Variants in QRICH1 observed in about 807,000 individuals in gnomAD.
The protein encoded by QRICH1 is transcriptional regulator QRICH1.
QRICH1 carries 16 observed loss-of-function variants against 87.1 expected under a neutral mutation model. That is an observed-to-expected ratio of 0.18 (90% CI 0.12 to 0.28). QRICH1 has a LOEUF of 0.28. Among genes scored for constraint, QRICH1 ranks in the 10% least tolerant of loss-of-function variants. QRICH1 has a pLI of 1.00. For synonymous variants in QRICH1, 367 were observed against 368.4 expected (o/e 1.00, Z 0.05); for missense variants, 647 against 951.7 (o/e 0.68, Z 4.21).
At chr3:49,039,780 C>T (rs1307051763) in intron 6 of QRICH1, among the ~76,000 whole-genome samples, 1 of 151,956 alleles carries the variant, frequency 6.6e-6, no homozygotes, top group African/African-American at 2.4e-5. Flanking sequence ...CAGCAACAGG[C>T]CAGGCTCGGT....
intron 2 of QRICH1, among the ~76,000 whole-genome samples, chr3:49,076,097 G>T (rs992407087): frequency 6.6e-6 from 1 of 152,118 alleles, no homozygotes; most frequent in African/African-American, 2.4e-5. Context: ...TAAAAAATTA[G>T]CCGAGTGTGT....
intron 1 of QRICH1, chr3:49,093,205 G>A (rs143745219): frequency 6.6e-6 from 1 of 152,178 alleles, no homozygotes; most frequent in African/African-American, 2.4e-5. Flanking sequence ...AACCAAGAGG[G>A]CTTGGTTTCC....
chr3:49,034,315 A>G (rs1463354834), intron 6 of QRICH1, among the ~76,000 whole-genome samples: 1 of 151,524 alleles, frequency 6.6e-6, no homozygotes, highest in African/African-American at 2.4e-5. Flanking sequence ...GATGGTGCAC[A>G]TCTGTGATCC....
chr3:49,093,885 C>T, intron 1 of QRICH1, 27 bp downstream of exon 1: 1 of 386,818 alleles, frequency 2.6e-6, no homozygotes, highest in Non-Finnish European at 4.6e-6. Context: ...AGCTTCGCCG[C>T]ATCCCCACCC....
intron 2 of QRICH1, among the ~76,000 whole-genome samples, chr3:49,067,981 A>C (rs2106945177): frequency 6.6e-6 from 1 of 152,230 alleles, no homozygotes; most frequent in African/African-American, 2.4e-5. Context: ...ACAAACAAAA[A>C]AAACAACCCA....
chr3:49,073,430 C>A (rs1160748718), intron 2 of QRICH1, among the ~76,000 whole-genome samples: 1 of 151,452 alleles, frequency 6.6e-6, no homozygotes, highest in Admixed American at 6.6e-5. Context: ...ATCCCACCTA[C>A]TCAGGAGGTT....
At position 49,057,771 on chromosome 3, in the gene QRICH1, T is replaced by C. The variant is rs761287050; in HGVS notation, c.429A>G (p.Ala143=). 6 of 1,614,072 alleles carry C rather than the reference T, an allele frequency of 3.7e-6. No individual in the cohort carries two copies. In the East Asian group the frequency reaches 8.9e-5, roughly 24 times the overall value. Residue 143 remains alanine (A), a synonymous_variant, in exon 3 of 10, where the codon GCA becomes GCG. Coordinates refer to ENST00000395443, the MANE Select transcript of QRICH1 (RefSeq NM_198880.3). The surrounding 1 kb of genome is among the most constrained non-coding windows in gnomAD (Gnocchi z 5.4). ...GAATGGAGGGGGCTGCTGACTGTGGTGCCTGGCCTTGGATCTGCACCTGGA... is the reference window on the plus strand; with the variant it reads ...GAATGGAGGGGGCTGCTGACTGTGGCGCCTGGCCTTGGATCTGCACCTGGA... ...IQVQVQIQGQ[A]PQSAAPSIQT...
chr3:49,039,382 A>C (rs771064324), intron 6 of QRICH1, among the ~76,000 whole-genome samples: 2 of 151,860 alleles, frequency 1.3e-5, no homozygotes, highest in Non-Finnish European at 1.5e-5. Flanking sequence ...TAAATAAATA[A>C]GTAAGTAAGT....
At chr3:49,088,433 C>A (rs2042211269) in intron 1 of QRICH1, among the ~76,000 whole-genome samples, 2 of 151,836 alleles carry the variant, frequency 1.3e-5, no homozygotes, top group South Asian at 4.2e-4. Context: ...GTAGCTTGAA[C>A]TACAGGCGCA....
chr3:49,088,531 C>A (rs1395560372), intron 1 of QRICH1, among the ~76,000 whole-genome samples: 2 of 149,342 alleles, frequency 1.3e-5, no homozygotes, highest in African/African-American at 4.9e-5. Context: ...CTCCTGACCT[C>A]AGGTGAGGAG....
At chr3:49,058,077 A>G (rs577306229) in intron 2 of QRICH1, 187 bp from the exon 3 acceptor site, 2 of 998,564 alleles carry the variant, frequency 2.0e-6, no homozygotes, top group South Asian at 3.3e-5. Flanking sequence ...AGCACATTAC[A>G]ATAACAGGGA....
intron 1 of QRICH1, among the ~76,000 whole-genome samples, chr3:49,078,900 C>G (rs906829879): frequency 1.3e-5 from 2 of 151,744 alleles, no homozygotes; most frequent in African/African-American, 4.8e-5. Context: ...CCATGTTGGC[C>G]TGGCTGGTCT....
At chr3:49,061,969 G>A (rs2093437611) in intron 2 of QRICH1, among the ~76,000 whole-genome samples, 1 of 152,112 alleles carries the variant, frequency 6.6e-6, no homozygotes, top group Non-Finnish European at 1.5e-5. Context: ...TATCTAATAA[G>A]TTATATCTAA....
At chr3:49,053,284 C>G (rs181742552) in intron 3 of QRICH1, among the ~76,000 whole-genome samples, 1 of 151,894 alleles carries the variant, frequency 6.6e-6, no homozygotes, top group African/African-American at 2.4e-5. Flanking sequence ...GTCAGGAGAT[C>G]GAGACCATCC....
intron 9 of QRICH1, among the ~76,000 whole-genome samples, chr3:49,031,180 G>GT (rs1307211346): frequency 7.2e-5 from 11 of 152,078 alleles, no homozygotes; most frequent in African/African-American, 2.7e-4. Context: ...TAGAGATGGG[G>GT]TTTTTCCATG....
chr3:49,041,555 T>TG (rs1462680942), intron 6 of QRICH1, among the ~76,000 whole-genome samples: 1 of 152,042 alleles, frequency 6.6e-6, no homozygotes, highest in Non-Finnish European at 1.5e-5. Context: ...CCCAAACTCC[T>TG]GGGCTCAACT....
chr3:49,079,456 T>C (rs2042015601), intron 1 of QRICH1, among the ~76,000 whole-genome samples: 1 of 148,008 alleles, frequency 6.8e-6, no homozygotes, highest in Non-Finnish European at 1.5e-5. Context: ...AATTATGTAA[T>C]ATAAATATAA....
chr3:49,061,126 C>T (rs1019049859), intron 2 of QRICH1, among the ~76,000 whole-genome samples: 1 of 110,832 alleles, frequency 9.0e-6, no homozygotes, highest in African/African-American at 3.6e-5. Context: ...CAGAGTGAGC[C>T]TCCATCTTAA....
At chr3:49,047,398 A>G (rs1210912744) in intron 3 of QRICH1, 152 bp from the exon 4 acceptor site, 3 of 745,304 alleles carry the variant, frequency 4.0e-6, no homozygotes, top group Middle Eastern at 3.7e-4. Context: ...TTGGAGTTCT[A>G]CCTCTTGCCC....
Sources: allele counts gnomAD v4.1 joint callset (sites outside exome capture counted in the v4.1 genomes callset), GRCh38; gene constraint gnomAD v4.1.1; non-coding constraint Gnocchi (gnomAD v3.1); transcripts MANE v1.5; gene names NCBI Gene and HGNC (gene_info 2026-07-23, HGNC 2026-07-21).